FAM168A: variants seen among roughly 807,000 people sequenced by gnomAD.
The protein encoded by FAM168A is protein FAM168A.
Under a neutral mutation model 28.5 loss-of-function variants are expected in FAM168A, and 3 were observed. The ratio of observed to expected loss-of-function variants is 0.11; its 90% CI spans 0.05 to 0.27. The LOEUF is 0.27. Among genes scored for constraint, FAM168A ranks in the 10% least tolerant of loss-of-function variants. The pLI, the probability that FAM168A is intolerant of heterozygous loss-of-function variation, is 1.00. For synonymous variants in FAM168A, 122 were observed against 124.2 expected, an observed-to-expected ratio of 0.98 and a Z score of 0.12; for missense variants, 222 against 311.5, an observed-to-expected ratio of 0.71 and a Z score of 2.16.
chr11:73,414,764 T>G (rs1043926612), intron 4 of FAM168A, among the ~76,000 whole-genome samples: 2 of 152,258 alleles, frequency 1.3e-5, no homozygotes, highest in African/African-American at 2.4e-5. Flanking sequence ...CCTAAGGGTA[T>G]GCAGGCAGAG....
At chr11:73,415,030 T>C (rs1866673921) in intron 4 of FAM168A, among the ~76,000 whole-genome samples, 3 of 152,210 alleles carry the variant, frequency 2.0e-5, no homozygotes, top group Admixed American at 6.5e-5. Flanking sequence ...TACAAAGTGG[T>C]GAGACTATCC....
At chr11:73,419,725 G>T in intron 4 of FAM168A, 149 bp downstream of exon 4, 1 of 818,162 alleles carries the variant, frequency 1.2e-6, no homozygotes, top group Non-Finnish European at 1.9e-6. Context: ...CCTGAATAAG[G>T]AGGGGTAATT....
At chr11:73,436,999 T>G (rs190060115) in intron 2 of FAM168A, among the ~76,000 whole-genome samples, 2 of 151,974 alleles carry the variant, frequency 1.3e-5, no homozygotes, top group Non-Finnish European at 2.9e-5. Flanking sequence ...AATTATAGAG[T>G]TGGAAGGGGT....
chr11:73,570,910 T>C (rs1944078573), intron 1 of FAM168A, among the ~76,000 whole-genome samples: 2 of 152,190 alleles, frequency 1.3e-5, no homozygotes, highest in Non-Finnish European at 2.9e-5. Flanking sequence ...ACTTAGTCAC[T>C]GTATTATGTT....
At chr11:73,508,275 G>A (rs1234815914) in intron 1 of FAM168A, among the ~76,000 whole-genome samples, 2 of 152,056 alleles carry the variant, frequency 1.3e-5, no homozygotes, top group East Asian at 3.8e-4. Context: ...TGTTCAGAAT[G>A]CTTATTACTA....
intron 1 of FAM168A, among the ~76,000 whole-genome samples, chr11:73,586,110 A>G (rs1174259105): frequency 6.6e-6 from 1 of 152,180 alleles, no homozygotes; most frequent in African/African-American, 2.4e-5. Context: ...TCAGGGATAT[A>G]CAAATAATCA....
At chr11:73,413,030 A>G (rs1212089582) in intron 4 of FAM168A, among the ~76,000 whole-genome samples, 1 of 152,182 alleles carries the variant, frequency 6.6e-6, no homozygotes. Flanking sequence ...GCTAAGAATG[A>G]AGATCTCTTC....
chr11:73,539,990 C>T (rs146082949), intron 1 of FAM168A, among the ~76,000 whole-genome samples: 27 of 152,338 alleles, frequency 1.8e-4, no homozygotes, highest in Non-Finnish European at 2.9e-4. Flanking sequence ...CATGCAGTTT[C>T]TTTCCATAAT....
In FAM168A at chr11:73,406,279, ACTAAT is replaced by A. The variant is rs951292108; in HGVS notation, c.*479_*483del. On this transcript the variant is annotated 3_prime_UTR_variant, in exon 8 of 8. Transcript: ENST00000356467. ...TGTCTGGGACATGGGAATGTCCTGAACTAATCTTGCTTAAGAAAAAACAACCAGAA... is the reference window on the plus strand; with the variant it reads ...TGTCTGGGACATGGGAATGTCCTGAACTTGCTTAAGAAAAAACAACCAGAA... 2 of 152,222 alleles carry A rather than the reference ACTAAT, an allele frequency of 1.3e-5. No individual in the cohort carries two copies. The highest frequency in any genetic ancestry group is 2.4e-5 in the African/African-American group (1 of 41,452). 9.4% of individuals were successfully genotyped at this position (152,222 alleles called of 1,614,324 possible). A position where few individuals can be genotyped will look rare whatever the true frequency, so the allele number is the denominator to read the frequency against.
chr11:73,462,419 T>C (rs1465807383), intron 2 of FAM168A, among the ~76,000 whole-genome samples: 2 of 152,060 alleles, frequency 1.3e-5, no homozygotes, highest in East Asian at 1.9e-4. Flanking sequence ...AATAAGTAGG[T>C]TGGTGATTGC....
At chr11:73,413,284 A>G (rs1264954022) in intron 4 of FAM168A, among the ~76,000 whole-genome samples, 4 of 152,194 alleles carry the variant, frequency 2.6e-5, no homozygotes, top group Non-Finnish European at 5.9e-5. Flanking sequence ...TTTTTTCCAT[A>G]GTTTTGTGAT....
intron 4 of FAM168A, among the ~76,000 whole-genome samples, chr11:73,419,539 C>G (rs1365861673): frequency 1.3e-5 from 2 of 151,974 alleles, no homozygotes; most frequent in Non-Finnish European, 2.9e-5. Flanking sequence ...GAGGGGGGAG[C>G]CCTCTCTGTC....
At chr11:73,515,702 G>A (rs1168210279) in intron 1 of FAM168A, among the ~76,000 whole-genome samples, 1 of 151,948 alleles carries the variant, frequency 6.6e-6, no homozygotes, top group African/African-American at 2.4e-5. Context: ...CAATTGAACT[G>A]GCGCTAATCA....
chr11:73,429,316 T>C (rs1159591374), intron 3 of FAM168A, among the ~76,000 whole-genome samples: 1 of 152,194 alleles, frequency 6.6e-6, no homozygotes, highest in Non-Finnish European at 1.5e-5. Context: ...ACTGGGTAAC[T>C]TGGGACAAAA....
chr11:73,479,587 T>C (rs1317477954), intron 1 of FAM168A, among the ~76,000 whole-genome samples: 1 of 152,206 alleles, frequency 6.6e-6, no homozygotes, highest in East Asian at 1.9e-4. Context: ...TGAGTCCACT[T>C]AGCTCTTAGA....
chr11:73,472,464 G>A (rs1384483818), intron 1 of FAM168A, among the ~76,000 whole-genome samples: 1 of 152,196 alleles, frequency 6.6e-6, no homozygotes, highest in Non-Finnish European at 1.5e-5. Flanking sequence ...GCCAAATCAT[G>A]CAGGGCCTCA....
intron 5 of FAM168A, 91 bp downstream of exon 5, chr11:73,411,303 C>A (rs1708874959): frequency 2.1e-6 from 3 of 1,417,958 alleles, no homozygotes; most frequent in Non-Finnish European, 1.9e-6. Context: ...CCATCCTCTC[C>A]TTCCCTCACT....
At chr11:73,578,481 TACACTCAC>T in intron 1 of FAM168A, among the ~76,000 whole-genome samples, 1 of 152,108 alleles carries the variant, frequency 6.6e-6, no homozygotes, top group South Asian at 2.1e-4. Flanking sequence ...TAGGAGAAAA[TACACTCAC>T]ACACAAACAC....
At chr11:73,567,900 A>G (rs1397585863) in intron 1 of FAM168A, among the ~76,000 whole-genome samples, 2 of 152,216 alleles carry the variant, frequency 1.3e-5, no homozygotes, top group African/African-American at 4.8e-5. Flanking sequence ...ACCTCTGCCC[A>G]CTGTGGTCAT....
Sources: allele counts gnomAD v4.1 joint callset (sites outside exome capture counted in the v4.1 genomes callset), GRCh38; gene constraint gnomAD v4.1.1; transcripts MANE v1.5; gene names NCBI Gene and HGNC (gene_info 2026-07-23, HGNC 2026-07-21).